CDC42BPG: variants seen among roughly 807,000 people sequenced by gnomAD.
CDC42BPG encodes the protein serine/threonine-protein kinase MRCK gamma.
In CDC42BPG, 157 loss-of-function variants were observed where a neutral mutation model predicts 192.2. That is an observed-to-expected ratio of 0.82 (90% CI 0.72 to 0.93). CDC42BPG has a LOEUF of 0.93. Among genes scored for constraint, CDC42BPG ranks in the 40% least tolerant of loss-of-function variants. CDC42BPG has a pLI of 0.00. For synonymous variants in CDC42BPG, 981 were observed against 918.5 expected (o/e 1.07, Z -1.23); for missense variants, 1,992 against 2,122.1 (o/e 0.94, Z 1.20).
In CDC42BPG at chr11:64,830,521, G is replaced by A. The variant is rs1488444062; in HGVS notation, c.3305-265C>T. The A allele has an allele frequency of 5.3e-6, 3 of 564,968 alleles. No individual in the cohort carries two copies. In the African/African-American group the frequency reaches 5.6e-5, roughly 11 times the overall value. 35.0% of individuals were successfully genotyped at this position (564,968 alleles called of 1,614,324 possible). A position where few individuals can be genotyped will look rare whatever the true frequency, so the allele number is the denominator to read the frequency against. On this transcript the variant is annotated intron_variant, in intron 28 of 36. Coordinates refer to ENST00000342711, the MANE Select transcript of CDC42BPG (RefSeq NM_017525.3). ...CCTTGGTTTCCTTATGTAAACTGGG[G>A]ACAACGATGGTACTTCCTCACAGAG... is the stretch of plus-strand genomic sequence containing the variant.
chr11:64,834,020 G>A (rs1942846333), intron 20 of CDC42BPG, 43 bp from the exon 21 acceptor site: 2 of 1,612,932 alleles, frequency 1.2e-6, no homozygotes, highest in South Asian at 2.2e-5. Context: ...TCCCTGGCCT[G>A]AGGAACTAGG....
In CDC42BPG at chr11:64,841,753, C is replaced by T. The variant is rs531296545; in HGVS notation, c.253-20G>A. The T allele has an allele frequency of 3.9e-5, 63 of 1,613,662 alleles. No individual in the cohort carries two copies. Among genetic ancestry groups the T allele is most frequent in the Admixed American group, 1.2e-4 (7 of 60,028 alleles). On this transcript the variant is annotated intron_variant, in intron 2 of 36. Coordinates refer to ENST00000342711, the MANE Select transcript of CDC42BPG (RefSeq NM_017525.3). ...GGTGACCTAAGGCCACAGGGAGGAC[C>T]GGGGTGAGCCCAGCCCGGTGTGAAC...
Position 64,836,435 on chromosome 11 carries a change from G to C in CDC42BPG, c.1480C>G (p.Leu494Val). 1 of 1,610,350 alleles carries C rather than the reference G, an allele frequency of 6.2e-7. No homozygotes were observed. The highest frequency in any genetic ancestry group is 8.5e-7 in the Non-Finnish European group (1 of 1,177,928). The change falls in exon 12 of 37, where the codon CTT becomes GTT. Residue 494 changes from leucine (L) to valine (V), a missense_variant. Physicochemically the swap from Leu to Val is conservative, Grantham distance 32. Coordinates refer to ENST00000342711, the MANE Select transcript of CDC42BPG (RefSeq NM_017525.3). ...DSDLRQELDRLHRELAEGRAG... is the reference protein window; with the variant it reads ...DSDLRQELDRVHRELAEGRAG... Reference sequence around the variant, plus strand: ...CCTCACCCAGCCCTCACCCGGTGAAGTCGGTCAAGCTCCTGCCGTAGGTCA... The same window carrying C: ...CCTCACCCAGCCCTCACCCGGTGAACTCGGTCAAGCTCCTGCCGTAGGTCA...
At position 64,831,697 on chromosome 11, in the gene CDC42BPG, G is replaced by C. The variant is rs750662946; in HGVS notation, c.3112C>G (p.Pro1038Ala). The C allele has an allele frequency of 2.5e-6, 4 of 1,602,210 alleles. No homozygotes were observed. Among genetic ancestry groups the C allele is most frequent in the Middle Eastern group, 1.7e-4 (1 of 6,030 alleles). The stretch of plus-strand genomic sequence containing the variant: ...AGCAGCACAGTGCACGTGGTGGGCG[G>C]CACTGCCAGCTGGGAGGTTGTCACC... ...FRVTTSQLAV[P>A]PTTCTVLLLA... is the part of the protein sequence containing the mutation. Residue 1038 changes from proline (P) to alanine (A), a missense_variant, in exon 28 of 37, where the codon CCG (proline) becomes GCG (alanine). By Grantham distance (27) the Pro-to-Ala change is conservative. This residue lies in a region of CDC42BPG where 1,656 missense variants were observed against 1,844.3 expected (regional missense o/e 0.90). Transcript: ENST00000342711.
chr11:64,825,692 T>G (rs556415099), intron 36 of CDC42BPG, among the ~76,000 whole-genome samples: 190 of 152,084 alleles, frequency 1.2e-3, no homozygotes, highest in African/African-American at 4.3e-3. Flanking sequence ...TCTCTTAGGT[T>G]TTCCCCTGCC....
chr11:64,841,987 C>A, intron 1 of CDC42BPG, 83 bp from the exon 2 acceptor site: 2 of 1,143,318 alleles, frequency 1.7e-6, no homozygotes, highest in Non-Finnish European at 2.6e-6. Context: ...CAGGAGCTGC[C>A]GCTCCTGTGA....
intron 11 of CDC42BPG, 73 bp downstream of exon 11, chr11:64,836,666 C>T: frequency 9.6e-7 from 1 of 1,044,960 alleles, no homozygotes; most frequent in Non-Finnish European, 1.3e-6. Flanking sequence ...ACAGCTTGTC[C>T]AGGGCAGGGC....
At chr11:64,826,949 G>A (rs1942451884) in intron 34 of CDC42BPG, 101 bp downstream of exon 34, 6 of 1,158,238 alleles carry the variant, frequency 5.2e-6, no homozygotes, top group East Asian at 4.7e-5. Flanking sequence ...CAGGCCTTAG[G>A]AGTAATTACA....
chr11:64,841,721 T>C lies in CDC42BPG; in HGVS notation c.265A>G (p.Arg89Gly). The C allele has an allele frequency of 6.2e-7, 1 of 1,613,898 alleles. No individual in the cohort carries two copies. Among genetic ancestry groups the C allele is most frequent in the South Asian group, 1.1e-5 (1 of 91,088 alleles). Residue 89 changes from arginine (R) to glycine (G), a missense_variant, in exon 3 of 37, where the codon AGG (arginine) becomes GGG (glycine). Arg to Gly is a moderately radical substitution (Grantham distance 125). Around this residue, in one of 2 missense-constraint regions of CDC42BPG, gnomAD observed 1,656 missense variants for 1,844.3 expected, o/e 0.90. Coordinates refer to ENST00000342711, the MANE Select transcript of CDC42BPG (RefSeq NM_017525.3). Reference sequence around the variant, plus strand: ...AAAATCTGCCCAGTGTCCCTCTGCCTCACCACGGTGACCTAAGGCCACAGG... The same window carrying C: ...AAAATCTGCCCAGTGTCCCTCTGCCCCACCACGGTGACCTAAGGCCACAGG... The part of the protein sequence containing the change: ...RGAFGEVTVV[R>G]QRDTGQIFAM...
intron 3 of CDC42BPG, among the ~76,000 whole-genome samples, chr11:64,841,436 A>G (rs1943276073): frequency 6.6e-6 from 1 of 151,540 alleles, no homozygotes; most frequent in African/African-American, 2.4e-5. Flanking sequence ...TAGTTGACAG[A>G]GCAAGATTCC....
Position 64,827,787 on chromosome 11 carries a change from C to A in CDC42BPG, c.3968-4G>T, listed in dbSNP as rs774486756. ...GTCAGGTAGGGGGCCGCATACCCTG[C>A]GGGCACGCCAGGCACCTCTGAGCTG... On this transcript the variant is annotated splice_region_variant and splice_polypyrimidine_tract_variant and intron_variant, in intron 30 of 36. Coordinates refer to ENST00000342711, the MANE Select transcript of CDC42BPG (RefSeq NM_017525.3). The A allele has an allele frequency of 1.3e-6, 2 of 1,599,544 alleles. No individual in the cohort carries two copies. Among genetic ancestry groups the A allele is most frequent in the Admixed American group, 1.7e-5 (1 of 58,370 alleles).
At chr11:64,826,963 G>T in intron 34 of CDC42BPG, 87 bp downstream of exon 34, 5 of 1,171,534 alleles carry the variant, frequency 4.3e-6, no homozygotes, top group Non-Finnish European at 5.0e-6. Flanking sequence ...AATTACAGCG[G>T]CCCGTGATTG....
In CDC42BPG at chr11:64,829,646, C is replaced by T. The variant is rs1178145694; in HGVS notation, c.3792G>A (p.Leu1264=). 1 of 1,611,500 alleles carries T rather than the reference C, an allele frequency of 6.2e-7. No homozygotes were observed. Among genetic ancestry groups the T allele is most frequent in the Non-Finnish European group, 8.5e-7 (1 of 1,179,356 alleles). ...GGGATGGTGGCAGCTCCTCAGGCACCAAACCGGCCCCCAGCGCCAACGGCG... is the reference window on the plus strand; with the variant it reads ...GGGATGGTGGCAGCTCCTCAGGCACTAAACCGGCCCCCAGCGCCAACGGCG... ...EAAPLALGAG[L]VPEELPPSRG... is the part of the protein sequence containing the mutation. The change falls in exon 30 of 37, where the codon TTG becomes TTA. Residue 1264 remains leucine, a synonymous_variant. Transcript: ENST00000342711.
chr11:64,837,716 C>T (rs1371006992), intron 9 of CDC42BPG, among the ~76,000 whole-genome samples: 1 of 152,228 alleles, frequency 6.6e-6, no homozygotes, highest in Non-Finnish European at 1.5e-5. Context: ...CCCGCCTCGA[C>T]CTCCCTAAGT....
rs751845684 is a variant in CDC42BPG at position 64,835,063 on chromosome 11, C to T, written c.2044G>A (p.Ala682Thr). The T allele has an allele frequency of 6.0e-5, 81 of 1,341,878 alleles. No homozygotes were observed. The highest frequency in any genetic ancestry group is 4.0e-4 in the Admixed American group (21 of 52,020). 83.1% of individuals were successfully genotyped at this position (1,341,878 alleles called of 1,614,324 possible). The change falls in exon 17 of 37, where the codon GCC becomes ACC. Residue 682 changes from alanine (A) to threonine (T), a missense_variant. Around this residue, in one of 2 missense-constraint regions of CDC42BPG, gnomAD observed 1,656 missense variants for 1,844.3 expected, o/e 0.90. Transcript: ENST00000342711. Reference sequence around the variant, plus strand: ...GGCACCCACCAGCTGAGGATGTCGGCGAGCTGGGCCTCCCAGTTGCTCTCC... The same window carrying T: ...GGCACCCACCAGCTGAGGATGTCGGTGAGCTGGGCCTCCCAGTTGCTCTCC... ...ETESNWEAQL[A>T]DILSWVNDEK...
At position 64,839,117 on chromosome 11, in the gene CDC42BPG, G is replaced by A. The variant is rs370213665; in HGVS notation, c.792C>T (p.Val264=). The change falls in exon 7 of 37, where the codon GTC becomes GTT. Residue 264 remains valine, a synonymous_variant. Transcript: ENST00000342711. ...CCCCAAAGAGCAGCTCATAGGCGCA[G>A]ACTCCAAGCGACCACCAGTCACACT... ...GPQCDWWSLG[V]CAYELLFGET... is the part of the protein sequence containing the mutation. 1.9e-6 allele frequency: 3 copies of A among 1,613,536 alleles called. No homozygotes were observed. The African/African-American group carries it at 4.0e-5, about 22-fold the overall frequency.
chr11:64,832,478 C>A lies in CDC42BPG; in HGVS notation c.3037G>T (p.Ala1013Ser). ...GATTGGGCATGGATAACATCAGAGG[C>A]CAGGACAGGGGTAGCCGAGAACTGG... ...DPQFSATPVL[A>S]SDVIHAQSRD... Residue 1013 changes from alanine (A) to serine (S), a missense_variant, in exon 27 of 37, where the codon GCC (alanine) becomes TCC (serine). Transcript: ENST00000342711. The A allele has an allele frequency of 6.2e-7, 1 of 1,614,086 alleles. No homozygotes were observed. Among genetic ancestry groups the A allele is most frequent in the Non-Finnish European group, 8.5e-7 (1 of 1,179,998 alleles).
Position 64,824,513 on chromosome 11 carries a change from C to A in CDC42BPG, c.4616G>T (p.Arg1539Leu). ...TSLMQVSERP[R>L]SLPLSPELES... ...CAATTCAGGGGATAGGGGGAGGCTT[C>A]GGGGCCGTTCTGAGACCTGCAGGAG... Residue 1539 changes from arginine (R) to leucine (L), a missense_variant, in exon 37 of 37, where the codon CGA becomes CTA. Arg to Leu is a moderately radical substitution (Grantham distance 102, BLOSUM62 -2). Coordinates refer to ENST00000342711, the MANE Select transcript of CDC42BPG (RefSeq NM_017525.3). The A allele has an allele frequency of 2.5e-6, 4 of 1,608,482 alleles. No homozygotes were observed. The highest frequency in any genetic ancestry group is 3.4e-6 in the Non-Finnish European group (4 of 1,175,030).
At chr11:64,835,651 GACCCAAGATGCCATGGCCC>G in intron 14 of CDC42BPG, 30 bp from the exon 15 acceptor site, 1 of 1,577,844 alleles carries the variant, frequency 6.3e-7, no homozygotes, top group Non-Finnish European at 8.6e-7. Context: ...TCAGGGCAGA[GACCCAAGATGCCATGGCCC>G]ACCCACCTGG....
Sources: gnomAD v4.1 joint callset for allele counts (sites outside exome capture counted in the v4.1 genomes callset) on GRCh38, gnomAD v4.1.1 for gene constraint, gnomAD v4.1.1 regional missense constraint, MANE v1.5 for transcripts, NCBI Gene and HGNC (gene_info 2026-07-23, HGNC 2026-07-21) for gene names.